The following XKR6 variants were observed in gnomAD, a reference collection of about 807,000 sequenced individuals.
The protein encoded by XKR6 is XK-related protein 6.
XKR6 carries 22 observed loss-of-function variants against 56.7 expected under a neutral mutation model. The observed-to-expected ratio is 0.39, with a 90% CI of 0.28 to 0.55. The LOEUF is 0.55. Among genes scored for constraint, XKR6 ranks in the 20% least tolerant of loss-of-function variants. The pLI is 0.66. For missense variants in XKR6, 852 were observed against 889.0 expected, an observed-to-expected ratio of 0.96 and a Z score of 0.53; for synonymous variants, 524 against 387.8, an observed-to-expected ratio of 1.35 and a Z score of -4.13.
At chr8:11,053,265 G>A (rs1220151003) in intron 1 of XKR6, among the ~76,000 whole-genome samples, 1 of 152,188 alleles carries the variant, frequency 6.6e-6, no homozygotes, top group African/African-American at 2.4e-5. Flanking sequence ...AGGGGCAAGG[G>A]GCTTATTTTA....
chr8:11,176,395 T>C (rs1310115770), intron 1 of XKR6, among the ~76,000 whole-genome samples: 1 of 152,152 alleles, frequency 6.6e-6, no homozygotes, highest in Non-Finnish European at 1.5e-5. Flanking sequence ...ACGTGTACTA[T>C]GTCAAAAATA....
chr8:10,953,849 G>T (rs2129127900), intron 1 of XKR6, among the ~76,000 whole-genome samples: 1 of 152,300 alleles, frequency 6.6e-6, no homozygotes, highest in East Asian at 1.9e-4. Context: ...TCTGGCAAGT[G>T]CTAGTCTACT....
At chr8:11,058,923 A>G (rs766665003) in intron 1 of XKR6, among the ~76,000 whole-genome samples, 6 of 152,264 alleles carry the variant, frequency 3.9e-5, no homozygotes, top group Non-Finnish European at 7.3e-5. Flanking sequence ...AGAAGAAAAC[A>G]CAAATGCACA....
intron 2 of XKR6, among the ~76,000 whole-genome samples, chr8:10,924,266 C>T (rs989109890): frequency 3.1e-4 from 47 of 152,380 alleles, no homozygotes; most frequent in African/African-American, 1.0e-3. Context: ...CCCACGCTAT[C>T]TCTGGTCTGT....
intron 1 of XKR6, among the ~76,000 whole-genome samples, chr8:11,017,641 G>A (rs1452066706): frequency 4.6e-5 from 7 of 152,242 alleles, no homozygotes; most frequent in Non-Finnish European, 1.0e-4. Flanking sequence ...CCCACACAGA[G>A]CCTCACTTGA....
chr8:11,093,206 C>T (rs944140714), intron 1 of XKR6, among the ~76,000 whole-genome samples: 3 of 152,128 alleles, frequency 2.0e-5, no homozygotes, highest in African/African-American at 4.8e-5. Flanking sequence ...CAGGCGTGTG[C>T]CACCATGCCC....
Position 11,200,742 on chromosome 8 carries a change from T to G in XKR6, c.598A>C (p.Thr200Pro). The G allele has an allele frequency of 6.3e-7, 1 of 1,593,844 alleles. No individual in the cohort carries two copies. Among genetic ancestry groups the G allele is most frequent in the Non-Finnish European group, 8.5e-7 (1 of 1,172,948 alleles). Residue 200 changes from threonine (T) to proline (P), a missense_variant, in exon 1 of 3, where the codon ACC becomes CCC. Thr to Pro is a conservative substitution (Grantham distance 38). Transcript: ENST00000416569. This position sits in a 1 kb window ranked among gnomAD's most constrained non-coding sequence, Gnocchi z 6.4. Reference protein sequence around the residue: ...GGGLGAVEGLTSRGPPMMGAG... With the variant: ...GGGLGAVEGLPSRGPPMMGAG... ...CCCATCATGGGGGGGCCCCGGCTGGTGAGCCCCTCCACGGCGCCCAGCCCG... is the reference window on the plus strand; with the variant it reads ...CCCATCATGGGGGGGCCCCGGCTGGGGAGCCCCTCCACGGCGCCCAGCCCG...
intron 2 of XKR6, among the ~76,000 whole-genome samples, chr8:10,914,003 T>A (rs1800484302): frequency 6.6e-6 from 1 of 152,162 alleles, no homozygotes; most frequent in African/African-American, 2.4e-5. Context: ...TCTCCTTTGG[T>A]CAGGTCCGGG....
At chr8:11,021,544 TC>T (rs1382805420) in intron 1 of XKR6, among the ~76,000 whole-genome samples, 7 of 152,104 alleles carry the variant, frequency 4.6e-5, no homozygotes, top group African/African-American at 1.7e-4. Context: ...TAGCCTTTTG[TC>T]CCTTTCAAGC....
chr8:11,171,494 C>T lies in XKR6; in HGVS notation c.764+29082G>A, dbSNP rs115389799. 7.1e-3 allele frequency among the ~76,000 whole-genome samples: 1,085 copies of T among 152,286 alleles called. 14 individuals are homozygous for T. The highest frequency in any genetic ancestry group is 0.022 in the African/African-American group (911 of 41,550). On this transcript the variant is annotated intron_variant, in intron 1 of 2. Coordinates refer to ENST00000416569, the MANE Select transcript of XKR6 (RefSeq NM_173683.4). ...GTGTTTGGGTCATGGGGGCAGATGC[C>T]TCATGAATAGATTCATTCCCTTGGG...
At chr8:10,973,570 T>A (rs964388227) in intron 1 of XKR6, among the ~76,000 whole-genome samples, 4 of 150,730 alleles carry the variant, frequency 2.7e-5, no homozygotes, top group Admixed American at 1.3e-4. Context: ...TTTCTTTCTC[T>A]CTTTCTCTCT....
At chr8:11,117,633 A>T (rs1799245140) in intron 1 of XKR6, among the ~76,000 whole-genome samples, 1 of 152,198 alleles carries the variant, frequency 6.6e-6, no homozygotes, top group South Asian at 2.1e-4. Flanking sequence ...ATATGGCTGA[A>T]ATTTTTAAAA....
chr8:10,996,919 T>C (rs528150271), intron 1 of XKR6, among the ~76,000 whole-genome samples: 2 of 152,216 alleles, frequency 1.3e-5, no homozygotes, highest in African/African-American at 2.4e-5. Context: ...CAGTGAGCTA[T>C]GATGGCTCCA....
intron 1 of XKR6, among the ~76,000 whole-genome samples, chr8:11,117,399 A>C (rs914202522): frequency 1.3e-5 from 2 of 152,176 alleles, no homozygotes; most frequent in Non-Finnish European, 2.9e-5. Context: ...CTTGCACCCT[A>C]AACACAACAC....
At chr8:11,121,636 A>G (rs569530714) in intron 1 of XKR6, among the ~76,000 whole-genome samples, 64 of 152,358 alleles carry the variant, frequency 4.2e-4, no homozygotes, top group African/African-American at 1.5e-3. Context: ...GCGATTCCTC[A>G]GGGATCTAGA....
chr8:11,052,779 C>T (rs779737378), intron 1 of XKR6, among the ~76,000 whole-genome samples: 15 of 151,492 alleles, frequency 9.9e-5, no homozygotes, highest in Admixed American at 5.9e-4. Flanking sequence ...CAGCACACTC[C>T]GGGAAAGCTT....
intron 1 of XKR6, among the ~76,000 whole-genome samples, chr8:10,990,927 G>C (rs986293135): frequency 2.0e-4 from 22 of 108,958 alleles, no homozygotes; most frequent in Non-Finnish European, 5.2e-5. Flanking sequence ...TTTCGAGACA[G>C]AGTCTCACTT....
intron 1 of XKR6, among the ~76,000 whole-genome samples, chr8:11,078,125 A>T (rs1021580676): frequency 1.3e-5 from 2 of 152,200 alleles, no homozygotes; most frequent in Non-Finnish European, 2.9e-5. Flanking sequence ...TCTAGGATTT[A>T]TTCAGTCTCA....
chr8:10,897,793 T>C lies in XKR6; in HGVS notation c.*159A>G. 1 of 898,602 alleles carries C rather than the reference T, an allele frequency of 1.1e-6. No homozygotes were observed. Among genetic ancestry groups the C allele is most frequent in the Non-Finnish European group, 1.6e-6 (1 of 624,754 alleles). The allele number at this position is 898,602 out of a possible 1,614,324, so 55.7% of individuals were successfully genotyped here. A position where few individuals can be genotyped will look rare whatever the true frequency, so the allele number is the denominator to read the frequency against. On this transcript the variant is annotated 3_prime_UTR_variant, in exon 3 of 3. Coordinates refer to ENST00000416569, the MANE Select transcript of XKR6 (RefSeq NM_173683.4). The stretch of plus-strand genomic sequence containing the variant: ...GCTTATTTGAAGGGGTTGTGACTTA[T>C]TAATTCTTTTTTTTTTGTAGTGGTG...
Sources: allele counts gnomAD v4.1 joint callset (sites outside exome capture counted in the v4.1 genomes callset), GRCh38; gene constraint gnomAD v4.1.1; non-coding constraint Gnocchi (gnomAD v3.1); transcripts MANE v1.5; gene names NCBI Gene and HGNC (gene_info 2026-07-23, HGNC 2026-07-21).